GPHN: variants seen among roughly 807,000 people sequenced by gnomAD.
GPHN encodes gephyrin.
GPHN carries 17 observed loss-of-function variants against 95.5 expected under a neutral mutation model. The ratio of observed to expected loss-of-function variants is 0.18; its 90% CI spans 0.12 to 0.27. The LOEUF (loss-of-function observed/expected upper bound fraction) is 0.27, where lower values mean the gene tolerates loss of function less well. GPHN is among the 10% of genes least tolerant of loss of function. GPHN has a pLI of 1.00. For synonymous variants in GPHN, 320 were observed against 322.5 expected, an observed-to-expected ratio of 0.99 and a Z score of 0.08; for missense variants, 660 against 978.1, an observed-to-expected ratio of 0.67 and a Z score of 4.34.
intron 1 of GPHN, among the ~76,000 whole-genome samples, chr14:66,671,866 G>C (rs937704093): frequency 6.6e-6 from 1 of 151,978 alleles, no homozygotes; most frequent in African/African-American, 2.4e-5. Flanking sequence ...TTGGCGAGAG[G>C]TGTATTGATT....
At chr14:66,525,734 A>G (rs180902884) in intron 1 of GPHN, among the ~76,000 whole-genome samples, 59 of 152,240 alleles carry the variant, frequency 3.9e-4, no homozygotes, top group African/African-American at 1.3e-3. Flanking sequence ...TACGAACACC[A>G]TTTATTAAAT....
chr14:67,162,425 A>G (rs1159586075), intron 19 of GPHN, among the ~76,000 whole-genome samples: 1 of 152,238 alleles, frequency 6.6e-6, no homozygotes, highest in African/African-American at 2.4e-5. Context: ...TATTAGAACA[A>G]AAGAAATATA....
At chr14:67,563,779 G>A in the GPHN span, among the ~76,000 whole-genome samples, 9 of 146,328 alleles carry the variant, frequency 6.2e-5, no homozygotes, top group South Asian at 2.0e-3. Context: ...TGTCACCCAG[G>A]CTGAAGTGCA....
intron 5 of GPHN, among the ~76,000 whole-genome samples, chr14:66,906,163 G>A (rs779960272): frequency 6.6e-6 from 1 of 152,064 alleles, no homozygotes; most frequent in Non-Finnish European, 1.5e-5. Flanking sequence ...TCGTGCCCAG[G>A]GAACCTGTGG....
At chr14:67,374,689 C>T in the GPHN span, 18 of 500,688 alleles carry the variant, frequency 3.6e-5, no homozygotes, top group South Asian at 1.7e-4. Context: ...GTTTTGAAGC[C>T]GTTTTAGGTT....
chr14:67,075,528 G>A (rs752865888), intron 11 of GPHN, among the ~76,000 whole-genome samples: 1 of 152,136 alleles, frequency 6.6e-6, no homozygotes, highest in Non-Finnish European at 1.5e-5. Context: ...ACTTGCCATA[G>A]ATAGTGATTC....
At chr14:66,835,863 T>C (rs908237913) in intron 4 of GPHN, among the ~76,000 whole-genome samples, 1 of 151,386 alleles carries the variant, frequency 6.6e-6, no homozygotes, top group African/African-American at 2.4e-5. Context: ...CAGAATAAAA[T>C]ACCTAGGAAT....
At chr14:66,599,865 G>T (rs1382954299) in intron 1 of GPHN, among the ~76,000 whole-genome samples, 1 of 151,766 alleles carries the variant, frequency 6.6e-6, no homozygotes, top group African/African-American at 2.4e-5. Context: ...ATATCTATAT[G>T]TATTCAGGCT....
chr14:66,839,673 AC>A (rs1306130952), intron 4 of GPHN, among the ~76,000 whole-genome samples: 2 of 152,186 alleles, frequency 1.3e-5, no homozygotes, highest in East Asian at 1.9e-4. Flanking sequence ...GTATAGGCAA[AC>A]CCATTATAAT....
intron 10 of GPHN, 21 bp from the exon 11 acceptor site, chr14:67,058,624 CTTAG>C (rs1279693924): frequency 3.1e-6 from 5 of 1,602,246 alleles, no homozygotes; most frequent in Admixed American, 3.3e-5. Context: ...GCATCATATT[CTTAG>C]TTAATTATCT....
rs538421030 is a variant in GPHN at position 66,811,196 on chromosome 14, G to A, written c.202-13278G>A. On this transcript the variant is annotated intron_variant, in intron 3 of 22. Transcript: ENST00000478722. ...TGAAAAACTACCTGTTGGGTACTATGTTCATTACTTGGGCAATGAGATCAT... is the reference window on the plus strand; with the variant it reads ...TGAAAAACTACCTGTTGGGTACTATATTCATTACTTGGGCAATGAGATCAT... 2.0e-4 allele frequency among the ~76,000 whole-genome samples: 31 copies of A among 152,194 alleles called. No homozygotes were observed. The South Asian group carries it at 6.4e-3, about 32-fold the overall frequency.
At chr14:67,573,752 G>A in the GPHN span, 45 of 1,231,288 alleles carry the variant, frequency 3.7e-5, no homozygotes, top group Middle Eastern at 1.9e-4. The surrounding 1 kb of genome is among the most constrained non-coding windows in gnomAD (Gnocchi z 4.8). Context: ...GAGGTGCTCC[G>A]GAAAGGCTCC....
At chr14:66,790,091 G>A (rs2059918152) in intron 3 of GPHN, among the ~76,000 whole-genome samples, 1 of 152,040 alleles carries the variant, frequency 6.6e-6, no homozygotes. Flanking sequence ...TTTTCCCTAG[G>A]CTGTTAAAGC....
intron 18 of GPHN, among the ~76,000 whole-genome samples, chr14:67,144,242 A>ATATATATATATATATAT (rs1567399860): frequency 1.5e-5 from 1 of 68,070 alleles, no homozygotes; most frequent in African/African-American, 7.9e-5. Context: ...GTCTTAAAAA[A>ATATATATATATATATAT]AAAAAAAAAT....
intron 11 of GPHN, among the ~76,000 whole-genome samples, chr14:67,070,811 ACTTATTAAGCCTT>A (rs1359451022): frequency 6.7e-6 from 1 of 149,444 alleles, no homozygotes; most frequent in Non-Finnish European, 1.5e-5. Context: ...TTACCACCGT[ACTTATTAAGCCTT>A]CTTGTTTAGG....
intron 1 of GPHN, among the ~76,000 whole-genome samples, chr14:66,656,535 C>G (rs970819514): frequency 6.6e-6 from 1 of 152,076 alleles, no homozygotes; most frequent in African/African-American, 2.4e-5. Flanking sequence ...TTTTACATAT[C>G]AAAGGTTTAT....
chr14:67,608,366 A>G, the GPHN span, among the ~76,000 whole-genome samples: 1 of 152,254 alleles, frequency 6.6e-6, no homozygotes, highest in African/African-American at 2.4e-5. Flanking sequence ...AGGTATAAGA[A>G]GTAATCTAGA....
intron 1 of GPHN, chr14:66,508,918 A>C (rs2057909082): frequency 5.3e-6 from 2 of 377,338 alleles, no homozygotes; most frequent in East Asian, 1.3e-4. Context: ...AGGCGGCGGG[A>C]TCCCGGCTCC....
intron 2 of GPHN, among the ~76,000 whole-genome samples, chr14:66,687,166 A>C (rs1221463287): frequency 1.3e-5 from 2 of 152,026 alleles, no homozygotes; most frequent in Non-Finnish European, 2.9e-5. Context: ...ATAATGGGAG[A>C]CTCTAACACC....
Sources: gnomAD v4.1 joint callset for allele counts (sites outside exome capture counted in the v4.1 genomes callset) on GRCh38, gnomAD v4.1.1 for gene constraint, Gnocchi (gnomAD v3.1) non-coding constraint, MANE v1.5 for transcripts, NCBI Gene and HGNC (gene_info 2026-07-23, HGNC 2026-07-21) for gene names.